The following SERGEF variants were observed in gnomAD, a reference collection of about 807,000 sequenced individuals.
The protein encoded by SERGEF is secretion regulating guanine nucleotide exchange factor.
A neutral mutation model predicts 50.0 loss-of-function variants in SERGEF; 51 were observed. The observed-to-expected ratio is 1.02, with a 90% CI of 0.81 to 1.29. SERGEF has a LOEUF of 1.29. Ranked by LOEUF, SERGEF falls within the 50% of genes most tolerant of loss-of-function variation. The pLI is 0.00. For synonymous variants in SERGEF, 205 were observed against 212.4 expected (o/e 0.97, Z 0.30); for missense variants, 521 against 557.0 (o/e 0.94, Z 0.65).
intron 8 of SERGEF, among the ~76,000 whole-genome samples, chr11:17,967,564 C>T (rs1357520085): frequency 6.6e-6 from 1 of 152,212 alleles, no homozygotes; most frequent in Non-Finnish European, 1.5e-5. Context: ...GAAGTGAAGA[C>T]AGACTGCACC....
chr11:17,895,191 C>A (rs991171162), intron 9 of SERGEF, among the ~76,000 whole-genome samples: 3 of 152,078 alleles, frequency 2.0e-5, no homozygotes, highest in Non-Finnish European at 2.9e-5. Context: ...ACCCCAGAGC[C>A]CCTCACCGTA....
intron 10 of SERGEF, among the ~76,000 whole-genome samples, chr11:17,803,774 C>T (rs565281187): frequency 2.8e-4 from 42 of 152,292 alleles, no homozygotes; most frequent in African/African-American, 8.2e-4. Context: ...TACAGGGGCA[C>T]ATGGCAAAAT....
At chr11:17,928,627 GA>G (rs549472772) in intron 9 of SERGEF, among the ~76,000 whole-genome samples, 4 of 149,190 alleles carry the variant, frequency 2.7e-5, no homozygotes, top group African/African-American at 4.9e-5. Flanking sequence ...ACCAACCAAT[GA>G]AAAAAAAACA....
intron 10 of SERGEF, among the ~76,000 whole-genome samples, chr11:17,814,626 T>C (rs763743548): frequency 2.6e-5 from 4 of 152,168 alleles, no homozygotes; most frequent in Non-Finnish European, 4.4e-5. Context: ...CCCTTGGAGG[T>C]AGGTTTTGCT....
intron 9 of SERGEF, among the ~76,000 whole-genome samples, chr11:17,897,256 A>T (rs1851664795): frequency 6.6e-6 from 1 of 152,192 alleles, no homozygotes; most frequent in Non-Finnish European, 1.5e-5. Flanking sequence ...ATCTCAAAGA[A>T]CTGACATCTC....
chr11:17,935,159 TTAAAATAAAA>T lies in SERGEF; in HGVS notation c.1011+24301_1011+24310del, dbSNP rs561173728. ...AGATTTTGATGCTCTGCATACAATT[TTAAAATAAAA>T]TAAAATAAAATAAAAATGGTGTATT... On this transcript the variant is annotated intron_variant, in intron 9 of 10. Coordinates refer to ENST00000265965, the MANE Select transcript of SERGEF (RefSeq NM_012139.4). Among the ~76,000 whole-genome samples the T allele has an allele frequency of 7.0e-4, 107 of 152,144 alleles. 1 individual carries two copies. The highest frequency in any genetic ancestry group is 2.5e-4 in the Non-Finnish European group (17 of 68,046).
At chr11:17,920,594 A>T (rs1487246035) in intron 9 of SERGEF, among the ~76,000 whole-genome samples, 2 of 152,210 alleles carry the variant, frequency 1.3e-5, no homozygotes, top group South Asian at 4.1e-4. Context: ...AGTGATAGTA[A>T]TCTGAATTCA....
chr11:17,863,842 A>T (rs1404290399), intron 10 of SERGEF: 1 of 152,256 alleles, frequency 6.6e-6, no homozygotes, highest in Non-Finnish European at 1.5e-5. Context: ...TAACAAACAC[A>T]TGAAGCACCT....
At chr11:17,927,583 TCTC>T (rs1852275277) in intron 9 of SERGEF, among the ~76,000 whole-genome samples, 2 of 152,196 alleles carry the variant, frequency 1.3e-5, no homozygotes, top group Admixed American at 6.5e-5. Flanking sequence ...GGCAAGTCAC[TCTC>T]CTTCTTTGGA....
chr11:17,905,970 G>A (rs1461485263), intron 9 of SERGEF, among the ~76,000 whole-genome samples: 1 of 152,184 alleles, frequency 6.6e-6, no homozygotes, highest in Non-Finnish European at 1.5e-5. Flanking sequence ...AGACCAGCAT[G>A]GGAGGCCACT....
At chr11:17,811,105 T>A (rs550944976) in intron 10 of SERGEF, among the ~76,000 whole-genome samples, 18 of 152,286 alleles carry the variant, frequency 1.2e-4, no homozygotes, top group African/African-American at 4.3e-4. Context: ...AAGCTGAATC[T>A]TCAGATCTGG....
chr11:17,950,315 TTGTG>T (rs1337047408), intron 9 of SERGEF, among the ~76,000 whole-genome samples: 1 of 152,182 alleles, frequency 6.6e-6, no homozygotes, highest in Non-Finnish European at 1.5e-5. Flanking sequence ...AGTTTATGGG[TTGTG>T]TGTTTCTCCT....
At chr11:17,892,827 C>T (rs2283241) in intron 9 of SERGEF, among the ~76,000 whole-genome samples, 23 of 152,060 alleles carry the variant, frequency 1.5e-4, no homozygotes, top group Admixed American at 5.9e-4. Flanking sequence ...TGGAGGTTGC[C>T]GTGAGTTGAG....
intron 10 of SERGEF, among the ~76,000 whole-genome samples, chr11:17,821,725 G>A (rs530504161): frequency 3.2e-4 from 48 of 152,124 alleles, no homozygotes; most frequent in African/African-American, 7.7e-4. Flanking sequence ...TATTAATTCC[G>A]TGCCAAGTAC....
intron 2 of SERGEF, 53 bp from the exon 3 acceptor site, chr11:18,006,799 C>T: frequency 6.4e-7 from 1 of 1,568,412 alleles, no homozygotes; most frequent in South Asian, 1.2e-5. Flanking sequence ...AACACAACTG[C>T]AAAATGAACA....
chr11:17,939,439 G>C (rs1029177357), intron 9 of SERGEF: 1 of 152,214 alleles, frequency 6.6e-6, no homozygotes, highest in Non-Finnish European at 1.5e-5. Context: ...AAGAGTATTT[G>C]AGTGTGGACA....
intron 10 of SERGEF, among the ~76,000 whole-genome samples, chr11:17,829,596 G>A (rs1283084055): frequency 6.6e-6 from 1 of 151,948 alleles, no homozygotes; most frequent in Non-Finnish European, 1.5e-5. Flanking sequence ...AGGAGCTGGG[G>A]TAAACCAGTT....
chr11:17,936,758 A>T (rs1852460039), intron 9 of SERGEF, among the ~76,000 whole-genome samples: 1 of 152,216 alleles, frequency 6.6e-6, no homozygotes, highest in Non-Finnish European at 1.5e-5. Flanking sequence ...TTTCGTGGGT[A>T]CAGGGAGTTT....
At chr11:17,990,121 G>T (rs1321897315) in intron 7 of SERGEF, among the ~76,000 whole-genome samples, 2 of 152,136 alleles carry the variant, frequency 1.3e-5, no homozygotes, top group African/African-American at 4.8e-5. Context: ...TGATAGTATT[G>T]CTTGCCCTAG....
Sources: gnomAD v4.1 joint callset for allele counts (sites outside exome capture counted in the v4.1 genomes callset) on GRCh38, gnomAD v4.1.1 for gene constraint, MANE v1.5 for transcripts, NCBI Gene and HGNC (gene_info 2026-07-23, HGNC 2026-07-21) for gene names.